The following MGAT5 variants were observed in gnomAD, a reference collection of about 807,000 sequenced individuals.
The protein encoded by MGAT5 is alpha-1,6-mannosylglycoprotein 6-beta-N-acetylglucosaminyltransferase.
Under a neutral mutation model 94.3 loss-of-function variants are expected in MGAT5, and 30 were observed. The ratio of observed to expected loss-of-function variants is 0.32; its 90% CI spans 0.24 to 0.43. MGAT5 has a LOEUF of 0.43. Ranked by LOEUF, MGAT5 falls within the 20% of genes least tolerant of loss-of-function variation. The pLI, the probability that MGAT5 is intolerant of heterozygous loss-of-function variation, is 1.00. For synonymous variants in MGAT5, 310 were observed against 322.9 expected (o/e 0.96, Z 0.43); for missense variants, 691 against 905.5 (o/e 0.76, Z 3.04).
intron 2 of MGAT5, among the ~76,000 whole-genome samples, chr2:134,282,517 A>G (rs918505037): frequency 6.6e-6 from 1 of 152,240 alleles, no homozygotes; most frequent in Non-Finnish European, 1.5e-5. Context: ...AAGCAAAAAG[A>G]TGAAAATACA....
intron 1 of MGAT5, among the ~76,000 whole-genome samples, chr2:134,203,143 GGTA>G (rs1679878809): frequency 6.6e-6 from 1 of 152,146 alleles, no homozygotes; most frequent in Non-Finnish European, 1.5e-5. Context: ...CATTATACAT[GGTA>G]GTTGTATTCT....
chr2:134,349,902 T>C lies in MGAT5; in HGVS notation c.1210T>C (p.Trp404Arg). The change falls in exon 9 of 16, where the codon TGG becomes CGG. Residue 404 changes from tryptophan to arginine, a missense_variant. By Grantham distance (101) the Trp-to-Arg change is moderately radical. Transcript: ENST00000281923. ...SKGHKTPWGKWNLNPQQFYTM... is the reference protein window; with the variant it reads ...SKGHKTPWGKRNLNPQQFYTM... ...AGGCCACAAGACCCCTTGGGGAAAA[T>C]GGAATCTGAACCCTCAGCAGTTTTA... 6.2e-7 allele frequency: 1 copy of C among 1,613,424 alleles called. No homozygotes were observed. The highest frequency in any genetic ancestry group is 2.2e-5 in the East Asian group (1 of 44,850).
At chr2:134,442,554 G>T (rs1378111415) in intron 15 of MGAT5, among the ~76,000 whole-genome samples, 2 of 152,174 alleles carry the variant, frequency 1.3e-5, no homozygotes, top group African/African-American at 4.8e-5. Context: ...GGCGAGTGTG[G>T]CACTGGGAAT....
At chr2:134,429,081 C>T (rs1371875631) in intron 14 of MGAT5, among the ~76,000 whole-genome samples, 1 of 152,206 alleles carries the variant, frequency 6.6e-6, no homozygotes, top group African/African-American at 2.4e-5. Flanking sequence ...AATAGACGGA[C>T]TCAGAACCCC....
At chr2:134,410,147 G>C (rs1474086260) in intron 11 of MGAT5, among the ~76,000 whole-genome samples, 2 of 152,230 alleles carry the variant, frequency 1.3e-5, no homozygotes, top group Non-Finnish European at 2.9e-5. Context: ...AGAATAGCAG[G>C]AGATTAGGGG....
intron 1 of MGAT5, among the ~76,000 whole-genome samples, chr2:134,182,391 T>C (rs1442061951): frequency 6.6e-6 from 1 of 152,182 alleles, no homozygotes; most frequent in East Asian, 1.9e-4. Context: ...GTGGCATCTG[T>C]CCGCAGGAAA....
intron 1 of MGAT5, among the ~76,000 whole-genome samples, chr2:134,147,710 C>T (rs182971528): frequency 1.6e-3 from 251 of 152,174 alleles, no homozygotes; most frequent in African/African-American, 5.7e-3. Flanking sequence ...GTCTTACACC[C>T]GGTAATAGAA....
chr2:134,247,571 T>G (rs1318574406), intron 1 of MGAT5, among the ~76,000 whole-genome samples: 1 of 152,148 alleles, frequency 6.6e-6, no homozygotes, highest in East Asian at 1.9e-4. Flanking sequence ...GAAAAATGTT[T>G]AAAAACATCT....
intron 1 of MGAT5, among the ~76,000 whole-genome samples, chr2:134,200,260 C>T (rs1679719728): frequency 6.6e-6 from 1 of 151,680 alleles, no homozygotes. Context: ...AGTGGTCACG[C>T]TTGAGGGGTT....
intron 1 of MGAT5, among the ~76,000 whole-genome samples, chr2:134,233,111 T>C (rs1681455440): frequency 6.6e-6 from 1 of 152,234 alleles, no homozygotes; most frequent in Non-Finnish European, 1.5e-5. Context: ...TTTCCAGGTA[T>C]GTGTAAATCT....
rs963363628 is a variant in MGAT5, at chr2:134,285,058, C to T, written c.406+14508C>T. Among the ~76,000 whole-genome samples, 6 of 151,780 alleles carry T rather than the reference C, an allele frequency of 4.0e-5. 1 individual carries two copies. Among genetic ancestry groups the T allele is most frequent in the South Asian group, 4.2e-4 (2 of 4,798 alleles). ...ATTGCCCTTTGATTTTCTTCTTTAC[C>T]GTTATATATTTTAAATGAGGTAATT... On this transcript the variant is annotated intron_variant, in intron 2 of 15. Transcript: ENST00000281923.
upstream of MGAT5, among the ~76,000 whole-genome samples, chr2:134,250,587 C>T (rs1250005400): frequency 6.6e-6 from 1 of 152,128 alleles, no homozygotes; most frequent in Non-Finnish European, 1.5e-5. Context: ...GTCTTAAGTT[C>T]TGTCATCTTA....
At chr2:134,269,649 C>A (rs887599501) in intron 1 of MGAT5, among the ~76,000 whole-genome samples, 1 of 152,082 alleles carries the variant, frequency 6.6e-6, no homozygotes, top group African/African-American at 2.4e-5. Flanking sequence ...AGAAGGAGTT[C>A]CTGTAATTTT....
chr2:134,425,003 G>A (rs35237563), intron 13 of MGAT5, among the ~76,000 whole-genome samples: 8,488 of 152,238 alleles, frequency 0.056, 290 homozygotes, highest in South Asian at 0.13. Flanking sequence ...GGGTGCTGGG[G>A]GTTAGGACAG....
chr2:134,343,495 A>G (rs1049607834), intron 7 of MGAT5, among the ~76,000 whole-genome samples: 1 of 152,196 alleles, frequency 6.6e-6, no homozygotes, highest in African/African-American at 2.4e-5. Context: ...TAATTGTGGA[A>G]GCAGTATAGA....
intron 1 of MGAT5, among the ~76,000 whole-genome samples, chr2:134,183,245 T>G (rs1688838940): frequency 6.6e-6 from 1 of 152,222 alleles, no homozygotes; most frequent in African/African-American, 2.4e-5. Context: ...CATAATATTG[T>G]TCTTCAAGGT....
chr2:134,214,630 A>G (rs1241401595), intron 1 of MGAT5, among the ~76,000 whole-genome samples: 1 of 152,070 alleles, frequency 6.6e-6, no homozygotes, highest in African/African-American at 2.4e-5. Flanking sequence ...AGTAAGACCA[A>G]ATATTATAAC....
At chr2:134,202,007 G>A (rs1480128722) in intron 1 of MGAT5, among the ~76,000 whole-genome samples, 3 of 151,850 alleles carry the variant, frequency 2.0e-5, no homozygotes, top group Admixed American at 6.6e-5. Flanking sequence ...ATGAAGAGAT[G>A]CAACTATTTT....
At chr2:134,419,610 T>C (rs1250066158) in intron 12 of MGAT5, among the ~76,000 whole-genome samples, 1 of 150,164 alleles carries the variant, frequency 6.7e-6, no homozygotes, top group Non-Finnish European at 1.5e-5. Flanking sequence ...TATTGATTGA[T>C]ATACAATGAA....
Sources: allele counts gnomAD v4.1 joint callset (sites outside exome capture counted in the v4.1 genomes callset), GRCh38; gene constraint gnomAD v4.1.1; transcripts MANE v1.5; gene names NCBI Gene and HGNC (gene_info 2026-07-23, HGNC 2026-07-21).